PPP1R12B: variants seen among roughly 807,000 people sequenced by gnomAD.
The protein encoded by PPP1R12B is myosin phosphatase target subunit 2.
PPP1R12B carries 76 observed loss-of-function variants against 126.1 expected under a neutral mutation model. The ratio of observed to expected loss-of-function variants is 0.60; its 90% CI spans 0.50 to 0.73. PPP1R12B has a LOEUF of 0.73. PPP1R12B is among the 30% of genes least tolerant of loss of function. PPP1R12B has a pLI of 0.00. For missense variants in PPP1R12B, 1,052 were observed against 1,205.1 expected, an observed-to-expected ratio of 0.87 and a Z score of 1.88; for synonymous variants, 356 against 434.7, an observed-to-expected ratio of 0.82 and a Z score of 2.25.
chr1:202,463,103 A>G lies in PPP1R12B; in HGVS notation c.1850+13932A>G, dbSNP rs1024623434. 7.2e-5 allele frequency: 70 copies of G among 977,528 alleles called. No homozygotes were observed. The African/African-American group carries it at 1.2e-3, about 16-fold the overall frequency. 60.6% of individuals were successfully genotyped at this position (977,528 alleles called of 1,614,324 possible). On this transcript the variant is annotated intron_variant, in intron 13 of 23. Coordinates refer to ENST00000608999, the MANE Select transcript of PPP1R12B (RefSeq NM_002481.4). Reference sequence around the variant, plus strand: ...TGGAATGTCAGAAGCAGCAGGTAAAATTTCTTTGTTTGATAGCTTTAATGT... The same window carrying G: ...TGGAATGTCAGAAGCAGCAGGTAAAGTTTCTTTGTTTGATAGCTTTAATGT...
At chr1:202,529,980 T>G (rs76212134) in intron 18 of PPP1R12B, among the ~76,000 whole-genome samples, 3,459 of 152,280 alleles carry the variant, frequency 0.023, 137 homozygotes, top group African/African-American at 0.078. Context: ...TTAACTGTAC[T>G]AAATATTTAT....
chr1:202,541,672 A>G (rs965573151), intron 18 of PPP1R12B, among the ~76,000 whole-genome samples: 1 of 152,182 alleles, frequency 6.6e-6, no homozygotes, highest in African/African-American at 2.4e-5. Flanking sequence ...CACTATAACC[A>G]TAGCTCCCAG....
chr1:202,516,660 G>A (rs1030184508), intron 18 of PPP1R12B, among the ~76,000 whole-genome samples: 4 of 152,108 alleles, frequency 2.6e-5, no homozygotes, highest in East Asian at 1.9e-4. Context: ...CTTAAACAGG[G>A]TTCAAACAGA....
chr1:202,370,397 A>C (rs539863866), intron 1 of PPP1R12B, among the ~76,000 whole-genome samples: 1 of 152,194 alleles, frequency 6.6e-6, no homozygotes, highest in East Asian at 1.9e-4. Context: ...GATTATTGAC[A>C]TTTGAGTTAT....
chr1:202,421,763 T>A lies in PPP1R12B; in HGVS notation c.423-857T>A, dbSNP rs141467606. Among the ~76,000 whole-genome samples, 470 of 152,320 alleles carry A rather than the reference T, an allele frequency of 3.1e-3. 2 individuals carry two copies. The highest frequency in any genetic ancestry group is 5.6e-3 in the Non-Finnish European group (382 of 68,036). On this transcript the variant is annotated intron_variant, in intron 2 of 23. Transcript: ENST00000608999. Reference sequence around the variant, plus strand: ...TTTTTCTTTTTCCTTTAAACACTTCTGAGTATTTGATAGAGCTCCTAGCGT... The same window carrying A: ...TTTTTCTTTTTCCTTTAAACACTTCAGAGTATTTGATAGAGCTCCTAGCGT...
chr1:202,433,444 A>G (rs1474615453), intron 8 of PPP1R12B, among the ~76,000 whole-genome samples: 2 of 152,148 alleles, frequency 1.3e-5, no homozygotes, highest in African/African-American at 2.4e-5. Context: ...GTTTAAACCT[A>G]TGACCACCTC....
intron 1 of PPP1R12B, among the ~76,000 whole-genome samples, chr1:202,371,181 A>AT (rs1214666307): frequency 0.12 from 13,710 of 110,678 alleles, 1,102 homozygotes; most frequent in Middle Eastern, 0.16. Flanking sequence ...ACACCCAGCT[A>AT]TTTTTTTTTT....
chr1:202,507,116 TC>T (rs1385702575), intron 18 of PPP1R12B, among the ~76,000 whole-genome samples: 1 of 152,136 alleles, frequency 6.6e-6, no homozygotes, highest in Non-Finnish European at 1.5e-5. Context: ...GGAAGACAGT[TC>T]TAAAAATTCA....
At chr1:202,464,950 G>C (rs1349282631) in intron 13 of PPP1R12B, among the ~76,000 whole-genome samples, 1 of 152,142 alleles carries the variant, frequency 6.6e-6, no homozygotes, top group South Asian at 2.1e-4. Flanking sequence ...AAGATGAATG[G>C]TATAGGATGG....
rs145786319 is a variant in PPP1R12B at position 202,551,030 on chromosome 1, A to T, written c.2491-7847A>T. On this transcript the variant is annotated intron_variant, in intron 18 of 23. Transcript: ENST00000608999. ...AATTCTAATAATATTAGGTAGCACA[A>T]TAGAGACAACAAAAGATGAGTCTAT... Among the ~76,000 whole-genome samples, 1,016 of 152,376 alleles carry T rather than the reference A, an allele frequency of 6.7e-3. 12 individuals carry two copies. Among genetic ancestry groups the T allele is most frequent in the African/African-American group, 0.023 (975 of 41,596 alleles).
chr1:202,555,218 G>T (rs1341529522), intron 18 of PPP1R12B, among the ~76,000 whole-genome samples: 2 of 146,404 alleles, frequency 1.4e-5, no homozygotes, highest in Non-Finnish European at 3.0e-5. Context: ...AATGAAAAGG[G>T]TTAATGTCAT....
intron 18 of PPP1R12B, among the ~76,000 whole-genome samples, chr1:202,531,140 G>T (rs761993104): frequency 2.6e-5 from 4 of 152,182 alleles, no homozygotes; most frequent in Non-Finnish European, 5.9e-5. Flanking sequence ...AAGTGACAAA[G>T]AACCTCCTGT....
intron 19 of PPP1R12B, among the ~76,000 whole-genome samples, chr1:202,560,235 C>G (rs1013412071): frequency 2.0e-5 from 3 of 152,076 alleles, no homozygotes; most frequent in African/African-American, 7.2e-5. Context: ...AAAAGCCTTT[C>G]CAAGTGTGAT....
At chr1:202,429,399 T>C (rs1669932248) in intron 6 of PPP1R12B, among the ~76,000 whole-genome samples, 1 of 152,232 alleles carries the variant, frequency 6.6e-6, no homozygotes, top group Non-Finnish European at 1.5e-5. Context: ...TCATTTCATA[T>C]AGGAGAGTAT....
rs1331459660 is a variant in PPP1R12B, at chr1:202,585,111, C to G, written c.*4551C>G. 1.3e-5 allele frequency: 2 copies of G among 152,430 alleles called. No individual in the cohort carries two copies. Among genetic ancestry groups the G allele is most frequent in the Non-Finnish European group, 2.9e-5 (2 of 68,194 alleles). 9.4% of individuals were successfully genotyped at this position (152,430 alleles called of 1,614,324 possible). A position where few individuals can be genotyped will look rare whatever the true frequency, so the allele number is the denominator to read the frequency against. On this transcript the variant is annotated 3_prime_UTR_variant, in exon 24 of 24. Transcript: ENST00000608999. ...TCCCAGGCTCAAGGGATCCTCTCAC[C>G]TCAGCTCCCGAGCAGCTAGGACTGC...
Position 202,434,650 on chromosome 1 carries a change from T to G in PPP1R12B, c.1142-6T>G, listed in dbSNP as rs1214842884. 1 of 1,607,624 alleles carries G rather than the reference T, an allele frequency of 6.2e-7. No individual in the cohort carries two copies. The highest frequency in any genetic ancestry group is 1.1e-5 in the South Asian group (1 of 89,134). ...TACTTGTTAATTCTCTTGTCTTAAA[T>G]AACAGATAAAAAGCCAGAAGCCTTT... On this transcript the variant is annotated splice_polypyrimidine_tract_variant and splice_region_variant and intron_variant, in intron 8 of 23. Transcript: ENST00000608999.
chr1:202,412,776 C>A (rs888199376), intron 1 of PPP1R12B, among the ~76,000 whole-genome samples: 2 of 151,800 alleles, frequency 1.3e-5, no homozygotes, highest in African/African-American at 4.8e-5. Flanking sequence ...GAAAGTGTCC[C>A]CTTCCATTTT....
intron 1 of PPP1R12B, among the ~76,000 whole-genome samples, chr1:202,360,833 C>T (rs1658048674): frequency 6.6e-6 from 1 of 151,720 alleles, no homozygotes; most frequent in African/African-American, 2.4e-5. Context: ...TAAATATTTT[C>T]CGTGATTGGC....
intron 18 of PPP1R12B, among the ~76,000 whole-genome samples, chr1:202,558,154 A>T (rs1687145801): frequency 6.6e-6 from 1 of 151,416 alleles, no homozygotes; most frequent in Non-Finnish European, 1.5e-5. Flanking sequence ...AAAAAAAGGG[A>T]TAGGAGGGTA....
Sources: gnomAD v4.1 joint callset for allele counts (sites outside exome capture counted in the v4.1 genomes callset) on GRCh38, gnomAD v4.1.1 for gene constraint, MANE v1.5 for transcripts, NCBI Gene and HGNC (gene_info 2026-07-23, HGNC 2026-07-21) for gene names.